The following ZMIZ1 variants were observed in gnomAD, a reference collection of about 807,000 sequenced individuals.
ZMIZ1 encodes zinc finger MIZ-type containing 1, also known as zinc finger MIZ domain-containing protein 1.
A neutral mutation model predicts 113.9 loss-of-function variants in ZMIZ1; 17 were observed. The observed-to-expected ratio is 0.15, with a 90% confidence interval of 0.10 to 0.22. ZMIZ1 has a LOEUF of 0.22. ZMIZ1 is among the 10% of genes least tolerant of loss of function. The probability of loss-of-function intolerance (pLI) is 1.00; values close to 1 mark genes in which losing one functional copy is unlikely to be tolerated. For synonymous variants in ZMIZ1, 607 were observed against 603.1 expected, an observed-to-expected ratio of 1.01 and a Z score of -0.09; for missense variants, 1,059 against 1,477.8, an observed-to-expected ratio of 0.72 and a Z score of 4.65.
At position 79,183,384 on chromosome 10, in the gene ZMIZ1, G is replaced by A. The variant is rs191994763; in HGVS notation, c.-49-18200G>A. The stretch of plus-strand genomic sequence containing the variant: ...CACACACACACACACACACACACAC[G>A]CACACACCCATGTGTGCAGAGACAC... On this transcript the variant is annotated intron_variant, in intron 4 of 24. Coordinates refer to ENST00000334512, the MANE Select transcript of ZMIZ1 (RefSeq NM_020338.4). Among the ~76,000 whole-genome samples, 12 of 141,682 alleles carry A rather than the reference G, an allele frequency of 8.5e-5. No individual in the cohort carries two copies. In the East Asian group the frequency reaches 1.5e-3, roughly 18 times the overall value. 92.9% of individuals were successfully genotyped at this position (141,682 alleles called of 152,430 possible).
intron 8 of ZMIZ1, among the ~76,000 whole-genome samples, chr10:79,279,907 C>T (rs996467180): frequency 1.3e-5 from 2 of 151,748 alleles, no homozygotes; most frequent in Admixed American, 6.6e-5. Context: ...GCCGAGATGG[C>T]GGCAGTACAG....
intron 7 of ZMIZ1, among the ~76,000 whole-genome samples, chr10:79,231,383 G>A (rs923633103): frequency 1.3e-5 from 2 of 151,848 alleles, no homozygotes; most frequent in African/African-American, 4.8e-5. Flanking sequence ...CAACAGCTGG[G>A]GTTGCAGGCA....
intron 11 of ZMIZ1, 111 bp downstream of exon 11, chr10:79,292,467 G>C: frequency 7.1e-7 from 1 of 1,416,402 alleles, no homozygotes; most frequent in Non-Finnish European, 9.7e-7. Context: ...TGCTGGGAGA[G>C]CTGACTGCAT....
chr10:79,116,813 CT>C (rs1387172798), intron 1 of ZMIZ1, among the ~76,000 whole-genome samples: 1 of 152,252 alleles, frequency 6.6e-6, no homozygotes, highest in Non-Finnish European at 1.5e-5. Context: ...CTAGAGCCCC[CT>C]GTGCCCTCTA....
intron 1 of ZMIZ1, among the ~76,000 whole-genome samples, chr10:79,083,833 G>T (rs2132196180): frequency 6.6e-6 from 1 of 152,348 alleles, no homozygotes; most frequent in African/African-American, 2.4e-5. Context: ...GGCTCAAGTT[G>T]CTGTGTCCTG....
intron 4 of ZMIZ1, among the ~76,000 whole-genome samples, chr10:79,190,408 G>A (rs1847550527): frequency 6.6e-6 from 1 of 152,170 alleles, no homozygotes; most frequent in Non-Finnish European, 1.5e-5. Context: ...TCAGGCCTCC[G>A]TTTCCTCATC....
At chr10:79,220,397 G>A (rs1848916640) in intron 7 of ZMIZ1, among the ~76,000 whole-genome samples, 1 of 152,170 alleles carries the variant, frequency 6.6e-6, no homozygotes, top group African/African-American at 2.4e-5. Flanking sequence ...CTCTGTGGGT[G>A]TGGGTGACCT....
intron 1 of ZMIZ1, among the ~76,000 whole-genome samples, chr10:79,088,878 G>C (rs1046336079): frequency 4.6e-5 from 7 of 152,194 alleles, no homozygotes; most frequent in African/African-American, 1.7e-4. Flanking sequence ...TGGTACTTTG[G>C]GGTCTGGAGA....
At chr10:79,203,098 G>A (rs1848169334) in intron 5 of ZMIZ1, among the ~76,000 whole-genome samples, 1 of 152,120 alleles carries the variant, frequency 6.6e-6, no homozygotes, top group Non-Finnish European at 1.5e-5. Flanking sequence ...GGAAGCTCAG[G>A]CAACCAGCAT....
At chr10:79,294,770 C>T (rs1295440865) in intron 12 of ZMIZ1, 1 of 152,370 alleles carries the variant, frequency 6.6e-6, no homozygotes, top group African/African-American at 2.4e-5. Context: ...GCAGTTTTCT[C>T]CTCCTAGCTC....
chr10:79,140,349 C>T (rs1162735108), intron 3 of ZMIZ1, among the ~76,000 whole-genome samples: 1 of 152,220 alleles, frequency 6.6e-6, no homozygotes, highest in African/African-American at 2.4e-5. Flanking sequence ...GAGAACAAGG[C>T]ACAGGGAAGT....
At chr10:79,170,023 C>A (rs1190465347) in intron 4 of ZMIZ1, among the ~76,000 whole-genome samples, 4 of 152,206 alleles carry the variant, frequency 2.6e-5, no homozygotes, top group South Asian at 4.1e-4. Flanking sequence ...GAGATGGAGA[C>A]ACAGTGCTTC....
At chr10:79,249,789 A>G (rs1850434310) in intron 7 of ZMIZ1, among the ~76,000 whole-genome samples, 2 of 152,066 alleles carry the variant, frequency 1.3e-5, no homozygotes, top group South Asian at 2.1e-4. Flanking sequence ...CCCTGTTGGC[A>G]GCTCTGGTGA....
intron 24 of ZMIZ1, 120 bp downstream of exon 24, chr10:79,311,304 G>GGC: frequency 2.8e-6 from 1 of 359,152 alleles, no homozygotes; most frequent in Non-Finnish European, 5.5e-6. Context: ...TGGGCGGTGG[G>GGC]AGGGCTTCAC....
rs541110804 is a variant in ZMIZ1 at position 79,312,764 on chromosome 10, G to A, written c.*15G>A. 4.5e-5 allele frequency: 73 copies of A among 1,611,426 alleles called. 2 individuals carry two copies. In the South Asian group the frequency reaches 7.6e-4, roughly 17 times the overall value. Reference sequence around the variant, plus strand: ...AGAACAACTGAGGGCCACCCGGTCGGGGCCATCCCTCCACACTCTGCATCC... The same window carrying A: ...AGAACAACTGAGGGCCACCCGGTCGAGGCCATCCCTCCACACTCTGCATCC... On this transcript the variant is annotated 3_prime_UTR_variant, in exon 25 of 25. Coordinates refer to ENST00000334512, the MANE Select transcript of ZMIZ1 (RefSeq NM_020338.4).
At chr10:79,075,958 G>A (rs1390151905) in intron 1 of ZMIZ1, among the ~76,000 whole-genome samples, 2 of 152,156 alleles carry the variant, frequency 1.3e-5, no homozygotes, top group Admixed American at 6.5e-5. Context: ...GGATGGGGAC[G>A]GTGTGCCTTG....
At chr10:79,266,499 G>A (rs1042907651) in intron 7 of ZMIZ1, among the ~76,000 whole-genome samples, 8 of 152,216 alleles carry the variant, frequency 5.3e-5, no homozygotes, top group Admixed American at 3.9e-4. Context: ...GAACCAAAAG[G>A]TTGTGTGCTC....
In ZMIZ1 at chr10:79,071,884, C is replaced by G. The variant is rs555145171; in HGVS notation, c.-337+2614C>G. On this transcript the variant is annotated intron_variant, in intron 1 of 24. Transcript: ENST00000334512. ...CCAAAGGACAGAAGCGTCTCCTTGT[C>G]CCAAATCACGAGGTTTTGAAACGCT... is the stretch of plus-strand genomic sequence containing the variant. Among the ~76,000 whole-genome samples, 8 of 151,646 alleles carry G rather than the reference C, an allele frequency of 5.3e-5. No individual in the cohort carries two copies. The East Asian group carries it at 1.6e-3, about 30-fold the overall frequency.
At chr10:79,094,349 G>GGAGCCA (rs3041978) in intron 1 of ZMIZ1, among the ~76,000 whole-genome samples, 33,130 of 151,976 alleles carry the variant, frequency 0.22, 4,081 homozygotes, top group Non-Finnish European at 0.28. Context: ...GGAGGGAGCT[G>GGAGCCA]GAGCCAGAGC....
Sources: gnomAD v4.1 joint callset for allele counts (sites outside exome capture counted in the v4.1 genomes callset) on GRCh38, gnomAD v4.1.1 for gene constraint, MANE v1.5 for transcripts, NCBI Gene and HGNC (gene_info 2026-07-23, HGNC 2026-07-21) for gene names.